CFAP58: variants seen among roughly 807,000 people sequenced by gnomAD.
The protein encoded by CFAP58 is cilia- and flagella-associated protein 58.
In CFAP58, 88 loss-of-function variants were observed where a neutral mutation model predicts 119.5. The observed-to-expected ratio is 0.74, with a 90% CI of 0.62 to 0.88. The LOEUF is 0.88. CFAP58 is among the 40% of genes least tolerant of loss of function. The pLI is 0.00. For synonymous variants in CFAP58, 365 were observed against 366.3 expected (o/e 1.00, Z 0.04); for missense variants, 990 against 1,021.2 (o/e 0.97, Z 0.42).
intron 9 of CFAP58, among the ~76,000 whole-genome samples, chr10:104,380,688 G>T (rs1013914786): frequency 6.6e-6 from 1 of 152,150 alleles, no homozygotes; most frequent in Non-Finnish European, 1.5e-5. Flanking sequence ...CATCTGCTAG[G>T]TGTGTCAATA....
chr10:104,358,163 A>ATATATGT, intron 1 of CFAP58, among the ~76,000 whole-genome samples, 178 bp from the exon 2 acceptor site: 1 of 151,808 alleles, frequency 6.6e-6, no homozygotes, highest in African/African-American at 2.4e-5. Context: ...ATATGTACAT[A>ATATATGT]AGCATCAGGG....
rs1198949839 is a variant in CFAP58, at chr10:104,399,455, T to G, written c.1770T>G (p.Ala590=). Residue 590 remains alanine, a synonymous_variant, in exon 12 of 18, where the codon GCT becomes GCG. Coordinates refer to ENST00000369704, the MANE Select transcript of CFAP58 (RefSeq NM_001008723.2). The stretch of plus-strand genomic sequence containing the variant: ...AGAGAAAACTCCTGCGAATAATTGC[T>G]GAGGCTGACGGGGAGAGGTTGAGAC... ...AEERKLLRII[A]EADGERLRQK... 6.2e-7 allele frequency: 1 copy of G among 1,613,914 alleles called. No individual in the cohort carries two copies. The highest frequency in any genetic ancestry group is 8.5e-7 in the Non-Finnish European group (1 of 1,179,918).
intron 15 of CFAP58, among the ~76,000 whole-genome samples, chr10:104,421,413 A>G (rs1195930734): frequency 6.6e-6 from 1 of 152,200 alleles, no homozygotes; most frequent in African/African-American, 2.4e-5. Context: ...ATTATGTGCT[A>G]TATATCCCCT....
chr10:104,419,083 C>A lies in CFAP58; in HGVS notation c.2256+12290C>A, dbSNP rs115360420. The stretch of plus-strand genomic sequence containing the variant: ...CTGTGTCCCCGTCGTGCTCCTGGGG[C>A]CTGTTTCTTGGCTGCCACTTCTTTC... On this transcript the variant is annotated intron_variant, in intron 15 of 17. Coordinates refer to ENST00000369704, the MANE Select transcript of CFAP58 (RefSeq NM_001008723.2). 5.1e-3 allele frequency among the ~76,000 whole-genome samples: 775 copies of A among 152,260 alleles called. 6 individuals carry two copies. The highest frequency in any genetic ancestry group is 0.018 in the African/African-American group (730 of 41,530).
At chr10:104,453,302 T>G (rs1448636333) in intron 17 of CFAP58, among the ~76,000 whole-genome samples, 1 of 152,238 alleles carries the variant, frequency 6.6e-6, no homozygotes, top group Non-Finnish European at 1.5e-5. Context: ...TTCACCATAA[T>G]GAAATCAATT....
At chr10:104,436,631 C>T (rs906563734) in intron 15 of CFAP58, among the ~76,000 whole-genome samples, 3 of 152,168 alleles carry the variant, frequency 2.0e-5, no homozygotes, top group African/African-American at 7.2e-5. Context: ...GCAAGGACAG[C>T]ACCAAGCCAT....
upstream of CFAP58, among the ~76,000 whole-genome samples, chr10:104,350,174 T>G (rs920634809): frequency 6.6e-6 from 1 of 152,210 alleles, no homozygotes; most frequent in African/African-American, 2.4e-5. Context: ...TTTTGTATTC[T>G]CTCTCCACAG....
intron 17 of CFAP58, 70 bp from the exon 18 acceptor site, chr10:104,454,352 A>G (rs1162074575): frequency 5.0e-6 from 6 of 1,211,200 alleles, no homozygotes; most frequent in Non-Finnish European, 7.4e-6. Context: ...AACACACCCT[A>G]GGATTATCAA....
chr10:104,427,664 T>G (rs2012772272), intron 15 of CFAP58, among the ~76,000 whole-genome samples: 2 of 152,186 alleles, frequency 1.3e-5, no homozygotes, highest in African/African-American at 4.8e-5. Flanking sequence ...AAAATGAAAT[T>G]CCCTACAGAG....
rs982193252 is a variant in CFAP58, at chr10:104,400,856, G to A, written c.1992G>A (p.Arg664=). 1 of 1,614,144 alleles carries A rather than the reference G, an allele frequency of 6.2e-7. No homozygotes were observed. The highest frequency in any genetic ancestry group is 8.5e-7 in the Non-Finnish European group (1 of 1,180,006). ...ILRLEIKKLR[R]EKGILARSMA... ...GACTTGAGATCAAGAAGCTTCGCCG[G>A]GAAAAGGGGATTCTTGCCAGGAGTA... is the stretch of plus-strand genomic sequence containing the variant. The change falls in exon 13 of 18, where the codon CGG becomes CGA. Residue 664 remains arginine (R), a synonymous_variant. Coordinates refer to ENST00000369704, the MANE Select transcript of CFAP58 (RefSeq NM_001008723.2).
upstream of CFAP58, among the ~76,000 whole-genome samples, chr10:104,350,230 T>A (rs1196198357): frequency 6.6e-6 from 1 of 152,150 alleles, no homozygotes; most frequent in Non-Finnish European, 1.5e-5. Context: ...AAGAAATAAA[T>A]TAAGTGGATA....
chr10:104,368,630 G>A lies in CFAP58; in HGVS notation c.930+70G>A, dbSNP rs112363528. 46 of 1,557,000 alleles carry A rather than the reference G, an allele frequency of 3.0e-5. No homozygotes were observed. In the African/African-American group the frequency reaches 3.4e-4, roughly 11 times the overall value. On this transcript the variant is annotated intron_variant, in intron 6 of 17. Coordinates refer to ENST00000369704, the MANE Select transcript of CFAP58 (RefSeq NM_001008723.2). ...ACACAGGTTTGCCTTGGCAATTGGA[G>A]CCCTCAGTTGGAGAGCCTGTGTTGG...
In CFAP58 at chr10:104,384,941, G is replaced by T. The variant is rs117131292; in HGVS notation, c.1365+4721G>T. On this transcript the variant is annotated intron_variant, in intron 9 of 17. Transcript: ENST00000369704. ...TGTCAGCATCAAGGCAGTAGGCTGG[G>T]TGCTGCTGGAAGTGAGGAGTTCCCT... is the stretch of plus-strand genomic sequence containing the variant. 2.7e-3 allele frequency among the ~76,000 whole-genome samples: 418 copies of T among 152,260 alleles called. 16 individuals are homozygous for T. In the East Asian group the frequency reaches 0.071, roughly 26 times the overall value.
intron 3 of CFAP58, among the ~76,000 whole-genome samples, chr10:104,364,001 A>C (rs1184026880): frequency 6.6e-5 from 10 of 152,358 alleles, no homozygotes; most frequent in African/African-American, 2.4e-4. Context: ...ATTTGGAGGT[A>C]ACTGGTTTAC....
intron 15 of CFAP58, among the ~76,000 whole-genome samples, chr10:104,434,354 T>C (rs962395671): frequency 1.6e-4 from 24 of 152,278 alleles, no homozygotes; most frequent in African/African-American, 5.3e-4. Flanking sequence ...AGTGGCATGT[T>C]GTTGAGAGGA....
At position 104,454,502 on chromosome 10, in the gene CFAP58, C is replaced by A. The variant is rs1271196040; in HGVS notation, c.2591C>A (p.Pro864His). The change falls in exon 18 of 18, where the codon CCT becomes CAT. Residue 864 changes from proline to histidine, a missense_variant. Pro to His is a moderately conservative substitution (Grantham distance 77). Coordinates refer to ENST00000369704, the MANE Select transcript of CFAP58 (RefSeq NM_001008723.2). ...CCTGGTTTTACTGGGGGCGGATTTC[C>A]TCTCAGGTCAACCAAAATGACGTTC... ...NGPGFTGGGF[P>H]LRSTKMTF is the part of the protein sequence containing the mutation. 1.2e-6 allele frequency: 2 copies of A among 1,613,760 alleles called. No individual in the cohort carries two copies. The highest frequency in any genetic ancestry group is 2.7e-5 in the African/African-American group (2 of 75,042).
intron 15 of CFAP58, among the ~76,000 whole-genome samples, chr10:104,433,709 G>A (rs1250696309): frequency 1.3e-5 from 2 of 152,162 alleles, no homozygotes; most frequent in Non-Finnish European, 2.9e-5. Flanking sequence ...ATTACTTGGG[G>A]TTATTTCAAC....
chr10:104,340,490 G>A, the CFAP58 span, among the ~76,000 whole-genome samples: 1 of 152,106 alleles, frequency 6.6e-6, no homozygotes, highest in South Asian at 2.1e-4. Flanking sequence ...AGTCTTCCTG[G>A]AACCCTCATG....
At chr10:104,348,907 C>T (rs924833581), upstream of CFAP58, among the ~76,000 whole-genome samples, 5 of 152,076 alleles carry the variant, frequency 3.3e-5, no homozygotes, top group African/African-American at 7.2e-5. Context: ...TATGTTAGTT[C>T]GCTAGGGCTG....
Sources: gnomAD v4.1 joint callset for allele counts (sites outside exome capture counted in the v4.1 genomes callset) on GRCh38, gnomAD v4.1.1 for gene constraint, MANE v1.5 for transcripts, NCBI Gene and HGNC (gene_info 2026-07-23, HGNC 2026-07-21) for gene names.